Variants in RHOBTB1 observed in about 807,000 individuals in gnomAD.
RHOBTB1 encodes the protein Rho related BTB domain containing 1.
A neutral mutation model predicts 71.6 loss-of-function variants in RHOBTB1; 40 were observed. The ratio of observed to expected loss-of-function variants is 0.56; its 90% CI spans 0.43 to 0.73. RHOBTB1 has a LOEUF of 0.73. Among genes scored for constraint, RHOBTB1 ranks in the 30% least tolerant of loss-of-function variants. The pLI is 0.00. For missense variants in RHOBTB1, 797 were observed against 894.0 expected, an observed-to-expected ratio of 0.89 and a Z score of 1.38; for synonymous variants, 319 against 334.9, an observed-to-expected ratio of 0.95 and a Z score of 0.52.
chr10:60,958,205 T>G (rs2085660837), intron 2 of RHOBTB1, among the ~76,000 whole-genome samples: 1 of 152,130 alleles, frequency 6.6e-6, no homozygotes, highest in African/African-American at 2.4e-5. Flanking sequence ...ATGCATAAGG[T>G]TGAAGCCTGA....
Position 60,910,953 on chromosome 10 carries a change from C to G in RHOBTB1, c.230G>C (p.Ser77Thr), listed in dbSNP as rs2082935862. ...ERSRDVVDEV[S>T]VSLRLWDTFG... is the part of the protein sequence containing the mutation. ...AGTATCCCAAAGCCTGAGAGAAACA[C>G]TCACTTCATCAACAACATCCCGAGA... Residue 77 changes from serine to threonine, a missense_variant, in exon 4 of 11, where the codon AGT (serine) becomes ACT (threonine). Physicochemically the swap from Ser to Thr is moderately conservative, Grantham distance 58. Transcript: ENST00000337910. The G allele has an allele frequency of 3.1e-6, 5 of 1,614,154 alleles. No individual in the cohort carries two copies. In the East Asian group the frequency reaches 1.1e-4, roughly 36 times the overall value.
upstream of RHOBTB1, among the ~76,000 whole-genome samples, chr10:60,945,031 T>TA (rs145049308): frequency 0.011 from 1,717 of 152,292 alleles, 31 homozygotes; most frequent in African/African-American, 0.04. Context: ...AGGCTGACCG[T>TA]GAGTTCTGAG....
intron 2 of RHOBTB1, among the ~76,000 whole-genome samples, chr10:60,964,303 C>T (rs1160383026): frequency 6.6e-6 from 1 of 152,058 alleles, no homozygotes; most frequent in African/African-American, 2.4e-5. Context: ...AGAGAGGATA[C>T]AACTGATTAT....
chr10:60,998,916 A>G (rs890639501), intron 1 of RHOBTB1, among the ~76,000 whole-genome samples: 28 of 152,232 alleles, frequency 1.8e-4, no homozygotes, highest in Admixed American at 9.2e-4. Context: ...TGGCTTTTCT[A>G]TTCATAAACT....
chr10:60,983,472 A>G (rs2086567863), intron 2 of RHOBTB1, among the ~76,000 whole-genome samples: 1 of 152,218 alleles, frequency 6.6e-6, no homozygotes, highest in Non-Finnish European at 1.5e-5. Flanking sequence ...TGTTCTATGT[A>G]AAAGAATAAA....
Position 60,877,967 on chromosome 10 carries a change from G to T in RHOBTB1, c.1667C>A (p.Pro556Gln). The T allele has an allele frequency of 4.3e-6, 7 of 1,613,928 alleles. No individual in the cohort carries two copies. The highest frequency in any genetic ancestry group is 5.9e-6 in the Non-Finnish European group (7 of 1,179,906). The part of the protein sequence containing the change: ...KQLSPNLDLD[P>Q]LELIALANRF... ...GTTTGCCAAGGCAATTAATTCCAGCGGGTCCAGATCCAAGTTAGGAGACAA... is the reference window on the plus strand; with the variant it reads ...GTTTGCCAAGGCAATTAATTCCAGCTGGTCCAGATCCAAGTTAGGAGACAA... Residue 556 changes from proline to glutamine, a missense_variant, in exon 8 of 11, where the codon CCG becomes CAG. This residue lies in a region of RHOBTB1 where 658 missense variants were observed against 681.5 expected (regional missense o/e 0.97). Transcript: ENST00000337910.
chr10:60,944,597 G>A (rs1162579788), upstream of RHOBTB1, among the ~76,000 whole-genome samples: 1 of 152,148 alleles, frequency 6.6e-6, no homozygotes, highest in African/African-American at 2.4e-5. Flanking sequence ...CCACTCCCGT[G>A]CCTTTGCTGG....
At chr10:60,903,713 A>T (rs1564886073) in intron 4 of RHOBTB1, among the ~76,000 whole-genome samples, 1 of 151,844 alleles carries the variant, frequency 6.6e-6, no homozygotes. Context: ...CCACTGAGGC[A>T]GGGGGGGTTC....
chr10:60,883,657 C>G (rs2132485917), intron 7 of RHOBTB1, among the ~76,000 whole-genome samples: 1 of 152,272 alleles, frequency 6.6e-6, no homozygotes, highest in African/African-American at 2.4e-5. Context: ...AAATTGGTGG[C>G]TACCCTAGCT....
At position 60,999,013 on chromosome 10, in the gene RHOBTB1, A is replaced by G. The variant is rs527862714; in HGVS notation, c.-163+2386T>C. ...AACGCCTGCCTCACCAGATTATTAC[A>G]AGAATTTAATGAGATATTGTGGCAC... On this transcript the variant is annotated intron_variant, in intron 1 of 11. Coordinates refer to the RHOBTB1 transcript ENST00000357917. 4.6e-5 allele frequency among the ~76,000 whole-genome samples: 7 copies of G among 152,330 alleles called. No homozygotes were observed. The South Asian group carries it at 6.2e-4, about 14-fold the overall frequency.
At chr10:61,000,318 G>T (rs1393148793) in intron 1 of RHOBTB1, among the ~76,000 whole-genome samples, 1 of 152,106 alleles carries the variant, frequency 6.6e-6, no homozygotes, top group Non-Finnish European at 1.5e-5. Flanking sequence ...AGCGGCCCAA[G>T]AAGCAGAGTT....
intron 2 of RHOBTB1, among the ~76,000 whole-genome samples, chr10:60,978,231 A>G (rs146170609): frequency 9.8e-4 from 149 of 152,256 alleles, no homozygotes; most frequent in African/African-American, 3.4e-3. Context: ...AGAATTCTGC[A>G]AAGCATCACA....
chr10:60,904,581 A>C (rs2082570869), intron 4 of RHOBTB1, among the ~76,000 whole-genome samples: 1 of 152,156 alleles, frequency 6.6e-6, no homozygotes, highest in Non-Finnish European at 1.5e-5. Context: ...TAATCGTCAA[A>C]AATTCTTCCC....
chr10:60,937,845 G>A (rs1320084009), intron 2 of RHOBTB1, among the ~76,000 whole-genome samples: 1 of 152,090 alleles, frequency 6.6e-6, no homozygotes, highest in Non-Finnish European at 1.5e-5. Flanking sequence ...ACTTTCTTTC[G>A]AGATACTCTA....
At chr10:60,936,934 T>C (rs2084619998) in intron 2 of RHOBTB1, among the ~76,000 whole-genome samples, 1 of 152,212 alleles carries the variant, frequency 6.6e-6, no homozygotes, top group Admixed American at 6.5e-5. Flanking sequence ...GAAAGACATA[T>C]ACTTGCTACT....
At chr10:60,972,773 T>G (rs2086203508) in intron 2 of RHOBTB1, among the ~76,000 whole-genome samples, 1 of 152,088 alleles carries the variant, frequency 6.6e-6, no homozygotes, top group African/African-American at 2.4e-5. Flanking sequence ...CCAGTAGTGG[T>G]GGATTAAATG....
chr10:60,973,926 A>G (rs2086239687), intron 2 of RHOBTB1, among the ~76,000 whole-genome samples: 1 of 152,026 alleles, frequency 6.6e-6, no homozygotes, highest in African/African-American at 2.4e-5. Context: ...TAATGTTTGA[A>G]GTAGTTTAGG....
rs996078526 is a variant in RHOBTB1, at chr10:60,897,877, T to G, written c.297-4882A>C. On this transcript the variant is annotated intron_variant, in intron 4 of 10. Transcript: ENST00000337910. The stretch of plus-strand genomic sequence containing the variant: ...GCATGACCATGCCTGGCTAATTTTT[T>G]GTATTTTTAGTAGAGATGGGGTTTC... 2.6e-5 allele frequency among the ~76,000 whole-genome samples: 4 copies of G among 152,232 alleles called. No homozygotes were observed. The East Asian group carries it at 7.7e-4, about 29-fold the overall frequency.
chr10:60,942,704 T>C (rs1224985208), intron 1 of RHOBTB1, among the ~76,000 whole-genome samples: 1 of 152,234 alleles, frequency 6.6e-6, no homozygotes, highest in Non-Finnish European at 1.5e-5. Context: ...TGAAACGTAG[T>C]TCCAAATTTC....
Sources: allele counts gnomAD v4.1 joint callset (sites outside exome capture counted in the v4.1 genomes callset), GRCh38; gene constraint gnomAD v4.1.1; regional missense constraint gnomAD v4.1.1; transcripts MANE v1.5; gene names NCBI Gene and HGNC (gene_info 2026-07-23, HGNC 2026-07-21).